Variants in CDK9 observed in about 807,000 individuals in gnomAD.
The protein encoded by CDK9 is cyclin-dependent kinase 9.
In CDK9, 34 loss-of-function variants were observed where a neutral mutation model predicts 39.0. The observed-to-expected ratio is 0.87, with a 90% CI of 0.66 to 1.16. CDK9 has a LOEUF of 1.16. Ranked by LOEUF, CDK9 falls within the 50% of genes most tolerant of loss-of-function variation. CDK9 has a pLI of 0.00. For missense variants in CDK9, 369 were observed against 503.2 expected, an observed-to-expected ratio of 0.73 and a Z score of 2.55; for synonymous variants, 233 against 196.2, an observed-to-expected ratio of 1.19 and a Z score of -1.57.
chr9:127,787,360 A>G (rs1008648188), intron 2 of CDK9, 158 bp from the exon 3 acceptor site: 13 of 550,506 alleles, frequency 2.4e-5, no homozygotes, highest in Non-Finnish European at 3.3e-5. Context: ...TGAAGTGTGC[A>G]TGCTACTAAT....
Position 127,788,682 on chromosome 9 carries a change from T to G in CDK9, c.743T>G (p.Ile248Ser). ...LALISQLCGS[I>S]TPEVWPNVDN... Reference sequence around the variant, plus strand: ...CTCATCAGTCAGCTCTGCGGCTCCATCACCCCTGAGGTACGGGGCCCCGGT... The same window carrying G: ...CTCATCAGTCAGCTCTGCGGCTCCAGCACCCCTGAGGTACGGGGCCCCGGT... The change falls in exon 6 of 7, where the codon ATC becomes AGC. Residue 248 changes from isoleucine to serine, a missense_variant. Transcript: ENST00000373264. The G allele has an allele frequency of 3.1e-6, 5 of 1,604,704 alleles. No homozygotes were observed. The South Asian group carries it at 5.6e-5, about 18-fold the overall frequency.
chr9:127,786,388 G>T lies in CDK9; in HGVS notation c.92+148G>T. 4 of 755,388 alleles carry T rather than the reference G, an allele frequency of 5.3e-6. No individual in the cohort carries two copies. The South Asian group carries it at 6.3e-5, about 12-fold the overall frequency. 46.8% of individuals were successfully genotyped at this position (755,388 alleles called of 1,614,324 possible). On this transcript the variant is annotated intron_variant, in intron 1 of 6. Transcript: ENST00000373264. ...TCTAGGCCGCGCCGCACCCCGCCCC[G>T]GCCTGACGGAGCCGGCTGGTGGGGA...
chr9:127,788,517 G>A, intron 5 of CDK9, 27 bp from the exon 6 acceptor site: 1 of 1,540,282 alleles, frequency 6.5e-7, no homozygotes, highest in Non-Finnish European at 8.8e-7. Context: ...GGCTCAAGGG[G>A]CCCTCCTGGT....
Position 127,787,928 on chromosome 9 carries a change from C to T in CDK9, c.266-19C>T, listed in dbSNP as rs745632670. On this transcript the variant is annotated intron_variant, in intron 3 of 6. Transcript: ENST00000373264. ...GGTGTGGTTTTCTTGACTTTTTCTT[C>T]TTTCTATTCCTGCCTCAGCTTCCCC... 15 of 1,612,476 alleles carry T rather than the reference C, an allele frequency of 9.3e-6. No individual in the cohort carries two copies. The highest frequency in any genetic ancestry group is 2.2e-5 in the East Asian group (1 of 44,874).
intron 3 of CDK9, 143 bp from the exon 4 acceptor site, chr9:127,787,804 T>C (rs1385985562): frequency 2.0e-6 from 2 of 976,696 alleles, no homozygotes; most frequent in Non-Finnish European, 1.6e-6. Context: ...TCAGAAAATA[T>C]TTGACCGGTG....
intron 2 of CDK9, 137 bp from the exon 3 acceptor site, chr9:127,787,381 T>C (rs1829346523): frequency 3.3e-6 from 2 of 602,510 alleles, no homozygotes; most frequent in Admixed American, 2.9e-5. Flanking sequence ...ATCCATTTTA[T>C]AGACAAGGCT....
Position 127,789,559 on chromosome 9 carries a change from A to T in CDK9, c.*16A>T. Reference sequence around the variant, plus strand: ...CGTCTTCTGAGGGCCGGCGCTTGCCACTAGGGCTCTTGTGTTTTTTTTCTT... The same window carrying T: ...CGTCTTCTGAGGGCCGGCGCTTGCCTCTAGGGCTCTTGTGTTTTTTTTCTT... On this transcript the variant is annotated 3_prime_UTR_variant, in exon 7 of 7. Transcript: ENST00000373264. This position sits in a 1 kb window ranked among gnomAD's most constrained non-coding sequence, Gnocchi z 5.2. 2 of 1,607,246 alleles carry T rather than the reference A, an allele frequency of 1.2e-6. No homozygotes were observed. The highest frequency in any genetic ancestry group is 1.7e-4 in the Middle Eastern group (1 of 6,040).
Position 127,787,532 on chromosome 9 carries a change from C to T in CDK9, c.189C>T (p.Ala63=). Residue 63 remains alanine, a synonymous_variant, in exon 3 of 7, where the codon GCC becomes GCT. Coordinates refer to ENST00000373264, the MANE Select transcript of CDK9 (RefSeq NM_001261.4). ...TTCTCACCCAGTTCCCCATTACAGC[C>T]TTGCGGGAGATCAAGATCCTTCAGC... ...ENEKEGFPIT[A]LREIKILQLL... 1 of 1,612,756 alleles carries T rather than the reference C, an allele frequency of 6.2e-7. No individual in the cohort carries two copies. Among genetic ancestry groups the T allele is most frequent in the Non-Finnish European group, 8.5e-7 (1 of 1,178,790 alleles).
rs1416111964 is a variant in CDK9, at chr9:127,786,090, C to A, written c.-59C>A. 10 of 1,361,586 alleles carry A rather than the reference C, an allele frequency of 7.3e-6. No individual in the cohort carries two copies. Among genetic ancestry groups the A allele is most frequent in the Non-Finnish European group, 1.0e-5 (10 of 983,776 alleles). The allele number at this position is 1,361,586 out of a possible 1,614,324, so 84.3% of individuals were successfully genotyped here. A position where few individuals can be genotyped will look rare whatever the true frequency, so the allele number is the denominator to read the frequency against. On this transcript the variant is annotated 5_prime_UTR_variant, in exon 1 of 7. Coordinates refer to ENST00000373264, the MANE Select transcript of CDK9 (RefSeq NM_001261.4). ...GCCTGGAGTGCGGCGGCGGCGGGAC[C>A]CGGAGCAGGAGCGGCGGCAGCAGCG...
chr9:127,789,260 T>C lies in CDK9; in HGVS notation c.836T>C (p.Leu279Pro). 5 of 1,613,704 alleles carry C rather than the reference T, an allele frequency of 3.1e-6. No individual in the cohort carries two copies. The highest frequency in any genetic ancestry group is 4.2e-6 in the Non-Finnish European group (5 of 1,179,786). ...CAGAAGCGGAAGGTGAAGGACAGGC[T>C]GAAGGCCTATGTGCGTGACCCATAC... Reference protein sequence around the residue: ...KGQKRKVKDRLKAYVRDPYAL... With the variant: ...KGQKRKVKDRPKAYVRDPYAL... The change falls in exon 7 of 7, where the codon CTG becomes CCG. Residue 279 changes from leucine to proline, a missense_variant. By Grantham distance (98) the Leu-to-Pro change is moderately conservative. Transcript: ENST00000373264. The surrounding 1 kb of genome is among the most constrained non-coding windows in gnomAD (Gnocchi z 5.2).
In CDK9 at chr9:127,789,035, C is replaced by A; in HGVS notation, c.754-143C>A. 1 of 1,062,436 alleles carries A rather than the reference C, an allele frequency of 9.4e-7. No homozygotes were observed. Among genetic ancestry groups the A allele is most frequent in the Non-Finnish European group, 1.3e-6 (1 of 747,856 alleles). 65.8% of individuals were successfully genotyped at this position (1,062,436 alleles called of 1,614,324 possible). A position where few individuals can be genotyped will look rare whatever the true frequency, so the allele number is the denominator to read the frequency against. On this transcript the variant is annotated intron_variant, in intron 6 of 6. Coordinates refer to ENST00000373264, the MANE Select transcript of CDK9 (RefSeq NM_001261.4). This position sits in a 1 kb window ranked among gnomAD's most constrained non-coding sequence, Gnocchi z 5.2. Reference sequence around the variant, plus strand: ...GTGGTATGTGCCAATCCATAGCGGGCACTGCTTCTGGGAGGGGTCGAGTAG... The same window carrying A: ...GTGGTATGTGCCAATCCATAGCGGGAACTGCTTCTGGGAGGGGTCGAGTAG...
In CDK9 at chr9:127,789,040, C is replaced by T. The variant is rs1829382743; in HGVS notation, c.754-138C>T. On this transcript the variant is annotated intron_variant, in intron 6 of 6. Transcript: ENST00000373264. This position sits in a 1 kb window ranked among gnomAD's most constrained non-coding sequence, Gnocchi z 5.2. ...ATGTGCCAATCCATAGCGGGCACTG[C>T]TTCTGGGAGGGGTCGAGTAGCAGTC... The T allele has an allele frequency of 4.3e-6, 5 of 1,158,562 alleles. No individual in the cohort carries two copies. Among genetic ancestry groups the T allele is most frequent in the Non-Finnish European group, 6.0e-6 (5 of 833,476 alleles). 71.8% of individuals were successfully genotyped at this position (1,158,562 alleles called of 1,614,324 possible).
intron 6 of CDK9, among the ~76,000 whole-genome samples, chr9:127,788,902 G>A (rs1401904895): frequency 6.6e-6 from 1 of 152,182 alleles, no homozygotes; most frequent in Non-Finnish European, 1.5e-5. Context: ...GTGGCCTTGG[G>A]CAGAACATCT....
At chr9:127,787,380 A>G in intron 2 of CDK9, 138 bp from the exon 3 acceptor site, 2 of 599,860 alleles carry the variant, frequency 3.3e-6, no homozygotes, top group East Asian at 2.7e-5. Context: ...TATCCATTTT[A>G]TAGACAAGGC....
At position 127,789,734 on chromosome 9, in the gene CDK9, T is replaced by A. The variant is rs1474431358; in HGVS notation, c.*191T>A. 1 of 724,044 alleles carries A rather than the reference T, an allele frequency of 1.4e-6. No homozygotes were observed. The allele number at this position is 724,044 out of a possible 1,614,324, so 44.9% of individuals were successfully genotyped here. ...TGAGAGACCAGGAGGGCACTGGAGCTGTCTTGTCCTTGCTGGTTTTCTGGA... is the reference window on the plus strand; with the variant it reads ...TGAGAGACCAGGAGGGCACTGGAGCAGTCTTGTCCTTGCTGGTTTTCTGGA... On this transcript the variant is annotated 3_prime_UTR_variant, in exon 7 of 7. Coordinates refer to ENST00000373264, the MANE Select transcript of CDK9 (RefSeq NM_001261.4). The surrounding 1 kb of genome is among the most constrained non-coding windows in gnomAD (Gnocchi z 5.2).
intron 2 of CDK9, 64 bp from the exon 3 acceptor site, chr9:127,787,454 A>T (rs1240577367): frequency 8.8e-7 from 1 of 1,134,456 alleles, no homozygotes; most frequent in Non-Finnish European, 1.3e-6. Flanking sequence ...CTGTCAGTAC[A>T]GACCCCAGGG....
Position 127,788,222 on chromosome 9 carries a change from T to C in CDK9, c.441T>C (p.His147=), listed in dbSNP as rs776797894. ...LYYIHRNKIL[H]RDMKAANVLI... is the part of the protein sequence containing the mutation. ...TCTTGCCCTTCCTGCAGATCCTGCA[T>C]AGGGACATGAAGGCTGCTAATGTGC... The change falls in exon 5 of 7, where the codon CAT becomes CAC. Residue 147 remains histidine (H), a synonymous_variant. Coordinates refer to ENST00000373264, the MANE Select transcript of CDK9 (RefSeq NM_001261.4). The C allele has an allele frequency of 1.2e-6, 2 of 1,613,910 alleles. No homozygotes were observed. Among genetic ancestry groups the C allele is most frequent in the East Asian group, 4.5e-5 (2 of 44,884 alleles).
Position 127,789,818 on chromosome 9 carries a change from C to T in CDK9, c.*275C>T, listed in dbSNP as rs1056473. 1.6e-5 allele frequency: 7 copies of T among 450,918 alleles called. No homozygotes were observed. 27.9% of individuals were successfully genotyped at this position (450,918 alleles called of 1,614,324 possible). A position where few individuals can be genotyped will look rare whatever the true frequency, so the allele number is the denominator to read the frequency against. ...TGGGCTCGCCCACCAGTGACTTTTT[C>T]TAAGAGCTCCCGGCGTGGTGGAAGA... is the stretch of plus-strand genomic sequence containing the variant. On this transcript the variant is annotated 3_prime_UTR_variant, in exon 7 of 7. Transcript: ENST00000373264. The surrounding 1 kb of genome is among the most constrained non-coding windows in gnomAD (Gnocchi z 5.2).
chr9:127,790,759 A>G lies in CDK9; in HGVS notation c.*1216A>G, dbSNP rs1829412609. 1 of 152,030 alleles carries G rather than the reference A, an allele frequency of 6.6e-6. No individual in the cohort carries two copies. The highest frequency in any genetic ancestry group is 1.5e-5 in the Non-Finnish European group (1 of 68,022). 9.4% of individuals were successfully genotyped at this position (152,030 alleles called of 1,614,324 possible). On this transcript the variant is annotated 3_prime_UTR_variant, in exon 7 of 7. Transcript: ENST00000373264. ...ATTTACAGAAACTGACCCAGACCAC[A>G]ACACAAAAGGCCAGTAAAAGTAAGA...
Sources: gnomAD v4.1 joint callset for allele counts (sites outside exome capture counted in the v4.1 genomes callset) on GRCh38, gnomAD v4.1.1 for gene constraint, Gnocchi (gnomAD v3.1) non-coding constraint, MANE v1.5 for transcripts, NCBI Gene and HGNC (gene_info 2026-07-23, HGNC 2026-07-21) for gene names.